ZNF423: variants seen among roughly 807,000 people sequenced by gnomAD.
The protein encoded by ZNF423 is zinc finger protein 423, also known as Ebf-associated zinc finger protein.
ZNF423 carries 12 observed loss-of-function variants against 95.8 expected under a neutral mutation model. That is an observed-to-expected ratio of 0.13 (90% CI 0.08 to 0.20). The LOEUF is 0.20. Among genes scored for constraint, ZNF423 ranks in the 10% least tolerant of loss-of-function variants. The probability of loss-of-function intolerance (pLI) is 1.00; values close to 1 mark genes in which losing one functional copy is unlikely to be tolerated. For missense variants in ZNF423, 1,316 were observed against 1,737.1 expected, an observed-to-expected ratio of 0.76 and a Z score of 4.31; for synonymous variants, 749 against 711.9, an observed-to-expected ratio of 1.05 and a Z score of -0.83.
intron 2 of ZNF423, among the ~76,000 whole-genome samples, chr16:49,786,244 C>G (rs975762185): frequency 1.3e-5 from 2 of 152,198 alleles, no homozygotes; most frequent in Non-Finnish European, 2.9e-5. Flanking sequence ...GGCCCCCGCT[C>G]GAGGGCACGG....
chr16:49,807,395 A>G (rs990138252), intron 1 of ZNF423, among the ~76,000 whole-genome samples: 4 of 151,864 alleles, frequency 2.6e-5, no homozygotes, highest in Non-Finnish European at 5.9e-5. Flanking sequence ...AGCCCACTGC[A>G]CTCCAGCCTA....
At chr16:49,769,177 A>G (rs948982122) in intron 2 of ZNF423, among the ~76,000 whole-genome samples, 3 of 152,048 alleles carry the variant, frequency 2.0e-5, no homozygotes, top group Non-Finnish European at 4.4e-5. Flanking sequence ...CCCACATGGC[A>G]AAACCCCATC....
At chr16:49,747,079 C>G (rs1389407048) in intron 2 of ZNF423, among the ~76,000 whole-genome samples, 7 of 152,176 alleles carry the variant, frequency 4.6e-5, no homozygotes, top group Admixed American at 4.6e-4. Flanking sequence ...CCCTTCGACT[C>G]AGTCACTGCC....
intron 4 of ZNF423, among the ~76,000 whole-genome samples, chr16:49,630,949 A>T (rs1261744578): frequency 6.6e-6 from 1 of 152,120 alleles, no homozygotes; most frequent in Non-Finnish European, 1.5e-5. Context: ...GTGCAAGCAC[A>T]CGTATGCATT....
chr16:49,654,298 C>A (rs1416590852), intron 3 of ZNF423, among the ~76,000 whole-genome samples: 2 of 152,240 alleles, frequency 1.3e-5, no homozygotes, highest in African/African-American at 4.8e-5. Flanking sequence ...CCCACCTCCC[C>A]AAGCATCTCA....
intron 2 of ZNF423, among the ~76,000 whole-genome samples, chr16:49,775,445 C>A (rs931205896): frequency 6.6e-6 from 1 of 152,200 alleles, no homozygotes; most frequent in Non-Finnish European, 1.5e-5. Flanking sequence ...GACCCACAGG[C>A]CACCTCGACA....
rs1048944016 is a variant in ZNF423, at chr16:49,487,630, G to C, written c.*3645C>G. ...CCAGGCTGGAAGGTGAGGCACCCAA[G>C]TTATAGTCGCAAGTCTATCCTGAAT... On this transcript the variant is annotated 3_prime_UTR_variant, in exon 8 of 8. Transcript: ENST00000563137. 6.6e-6 allele frequency: 1 copy of C among 152,198 alleles called. No individual in the cohort carries two copies. The highest frequency in any genetic ancestry group is 2.1e-4 in the South Asian group (1 of 4,824). 9.4% of individuals were successfully genotyped at this position (152,198 alleles called of 1,614,324 possible). A position where few individuals can be genotyped will look rare whatever the true frequency, so the allele number is the denominator to read the frequency against.
At position 49,492,055 on chromosome 16, in the gene ZNF423, TC is replaced by T. The variant is rs1444748296; in HGVS notation, c.3850-752del. Among the ~76,000 whole-genome samples the T allele has an allele frequency of 2.6e-5, 4 of 152,198 alleles. No homozygotes were observed. The highest frequency in any genetic ancestry group is 4.4e-5 in the Non-Finnish European group (3 of 68,032). ...GCCAAATGTTTCCCTCTCATTACAG[TC>T]AATGGCATTTCCTCCCCCTGCCAGC... On this transcript the variant is annotated intron_variant, in intron 7 of 7. Transcript: ENST00000563137. The surrounding 1 kb of genome is among the most constrained non-coding windows in gnomAD (Gnocchi z 4.2).
chr16:49,710,533 G>C (rs974886436), intron 3 of ZNF423, among the ~76,000 whole-genome samples: 2 of 152,192 alleles, frequency 1.3e-5, no homozygotes, highest in African/African-American at 4.8e-5. Flanking sequence ...GTCACCAGGC[G>C]GCAGAAGTAG....
chr16:49,851,159 T>A (rs1467089639), intron 1 of ZNF423, among the ~76,000 whole-genome samples: 1 of 152,230 alleles, frequency 6.6e-6, no homozygotes, highest in African/African-American at 2.4e-5. Context: ...ACCGTTGTTT[T>A]ATTTTTAAAC....
intron 7 of ZNF423, among the ~76,000 whole-genome samples, chr16:49,512,406 A>G (rs1253742805): frequency 6.6e-6 from 1 of 152,212 alleles, no homozygotes; most frequent in Non-Finnish European, 1.5e-5. Context: ...CCAGTACCAA[A>G]CAAAGAAGGG....
intron 2 of ZNF423, among the ~76,000 whole-genome samples, chr16:49,742,614 G>C (rs950077236): frequency 2.0e-5 from 3 of 152,044 alleles, no homozygotes; most frequent in Admixed American, 2.0e-4. Context: ...CTCTGGGAAG[G>C]GGGAGATGGG....
chr16:49,504,886 C>T (rs1967569300), intron 7 of ZNF423, among the ~76,000 whole-genome samples: 1 of 152,162 alleles, frequency 6.6e-6, no homozygotes, highest in African/African-American at 2.4e-5. Flanking sequence ...GAACTGGGAG[C>T]TCTTTCCCCT....
intron 5 of ZNF423, among the ~76,000 whole-genome samples, chr16:49,619,585 G>A (rs543259176): frequency 3.0e-4 from 44 of 147,572 alleles, no homozygotes; most frequent in Non-Finnish European, 5.7e-4. Flanking sequence ...GTTTGGCAAC[G>A]AAAAAAAAAA....
In ZNF423 at chr16:49,734,595, T is replaced by C. The variant is rs150494775; in HGVS notation, c.101-3624A>G. On this transcript the variant is annotated intron_variant, in intron 2 of 7. Transcript: ENST00000563137. ...TCCTCCCCTGTCCTCCTGGGGGCTG[T>C]CTGCAGCAGCATGAAGACAGCTCGC... Among the ~76,000 whole-genome samples, 16 of 152,282 alleles carry C rather than the reference T, an allele frequency of 1.1e-4. No individual in the cohort carries two copies. In the East Asian group the frequency reaches 2.9e-3, roughly 28 times the overall value.
rs113424591 is a variant in ZNF423, at chr16:49,784,843, G to A, written c.100+4644C>T. ...CACACGTCTGTAATCCCAGCTACTC[G>A]GAAGGCTGAGGCAGGAGAATCGCTT... On this transcript the variant is annotated intron_variant, in intron 2 of 7. Transcript: ENST00000563137. Among the ~76,000 whole-genome samples the A allele has an allele frequency of 8.7e-3, 1,322 of 151,830 alleles. 18 individuals carry two copies. Among genetic ancestry groups the A allele is most frequent in the African/African-American group, 0.031 (1,277 of 41,346 alleles).
rs888858165 is a variant in ZNF423, at chr16:49,603,188, A to C, written c.3601+22982T>G. On this transcript the variant is annotated intron_variant, in intron 5 of 7. Transcript: ENST00000563137. The surrounding 1 kb of genome is among the most constrained non-coding windows in gnomAD (Gnocchi z 4.1). ...GGGGCCTGCTGCAGTGATCTCTGGCAGGGCCGCCAGGGACCACAATGTAAA... is the reference window on the plus strand; with the variant it reads ...GGGGCCTGCTGCAGTGATCTCTGGCCGGGCCGCCAGGGACCACAATGTAAA... 2.0e-4 allele frequency among the ~76,000 whole-genome samples: 30 copies of C among 152,164 alleles called. No homozygotes were observed. Among genetic ancestry groups the C allele is most frequent in the Admixed American group, 1.7e-3 (26 of 15,280 alleles).
chr16:49,584,267 A>T lies in ZNF423; in HGVS notation c.3601+41903T>A, dbSNP rs374321318. On this transcript the variant is annotated intron_variant, in intron 5 of 7. Coordinates refer to ENST00000563137, the MANE Select transcript of ZNF423 (RefSeq NM_001379286.1). The stretch of plus-strand genomic sequence containing the variant: ...ATCGTGTCCCTTAGTAGCTAACTGG[A>T]TATACGAAAGAACGTCTATCTAATC... Among the ~76,000 whole-genome samples the T allele has an allele frequency of 8.5e-5, 13 of 152,278 alleles. No individual in the cohort carries two copies. The East Asian group carries it at 1.3e-3, about 16-fold the overall frequency.
intron 3 of ZNF423, among the ~76,000 whole-genome samples, chr16:49,691,518 A>C (rs1247008560): frequency 6.6e-6 from 1 of 152,132 alleles, no homozygotes; most frequent in East Asian, 1.9e-4. Context: ...GGATCACGAG[A>C]TCAGGAGATC....
Sources: gnomAD v4.1 joint callset for allele counts (sites outside exome capture counted in the v4.1 genomes callset) on GRCh38, gnomAD v4.1.1 for gene constraint, Gnocchi (gnomAD v3.1) non-coding constraint, MANE v1.5 for transcripts, NCBI Gene and HGNC (gene_info 2026-07-23, HGNC 2026-07-21) for gene names.